The following ATG7 variants were observed in gnomAD, a reference collection of about 807,000 sequenced individuals.
ATG7 encodes the protein ubiquitin-like modifier-activating enzyme ATG7.
ATG7 carries 70 observed loss-of-function variants against 82.4 expected under a neutral mutation model. The observed-to-expected ratio is 0.85, with a 90% CI of 0.70 to 1.04. ATG7 has a LOEUF of 1.04. Ranked by LOEUF, ATG7 falls within the 50% of genes least tolerant of loss-of-function variation. The pLI is 0.00. For missense variants in ATG7, 792 were observed against 864.3 expected (o/e 0.92, Z 1.05); for synonymous variants, 287 against 313.0 (o/e 0.92, Z 0.88).
chr3:11,506,815 G>T (rs1022408731), intron 20 of ATG7, among the ~76,000 whole-genome samples: 13 of 152,080 alleles, frequency 8.5e-5, no homozygotes. Context: ...CTAGAGGAGT[G>T]GTCTAGAACT....
rs556268969 is a variant in ATG7 at position 11,380,264 on chromosome 3, T to G, written c.1956+212T>G. The stretch of plus-strand genomic sequence containing the variant: ...AGCCTGAGAAAATGTGTAGGGAGAC[T>G]GAGTTAAAATATTTCAACTCTGTAT... On this transcript the variant is annotated intron_variant, in intron 19 of 20. Coordinates refer to ENST00000693202, the MANE Select transcript of ATG7 (RefSeq NM_001349232.2). Among the ~76,000 whole-genome samples the G allele has an allele frequency of 1.2e-4, 18 of 152,290 alleles. No individual in the cohort carries two copies. The South Asian group carries it at 3.5e-3, about 30-fold the overall frequency.
intron 20 of ATG7, among the ~76,000 whole-genome samples, chr3:11,490,722 C>T (rs1413611508): frequency 1.3e-5 from 2 of 152,040 alleles, no homozygotes; most frequent in East Asian, 3.8e-4. Flanking sequence ...ATTTCTCCTT[C>T]ACTTATGAAG....
chr3:11,458,875 T>C (rs2086022794), intron 20 of ATG7, among the ~76,000 whole-genome samples: 1 of 152,174 alleles, frequency 6.6e-6, no homozygotes. Context: ...ACGCCTGTGC[T>C]CTGCCTCCTG....
chr3:11,436,358 A>G (rs549374176), intron 20 of ATG7, among the ~76,000 whole-genome samples: 3 of 152,298 alleles, frequency 2.0e-5, no homozygotes, highest in Admixed American at 6.5e-5. Flanking sequence ...GAAGCCTCCT[A>G]CCTACTAGTG....
intron 18 of ATG7, among the ~76,000 whole-genome samples, chr3:11,369,200 C>T (rs534560325): frequency 6.6e-6 from 1 of 150,920 alleles, no homozygotes; most frequent in Admixed American, 6.6e-5. Context: ...TCAGTGTGCT[C>T]CTAGGGACAT....
chr3:11,428,705 A>T (rs1339216792), intron 20 of ATG7, among the ~76,000 whole-genome samples: 1 of 152,198 alleles, frequency 6.6e-6, no homozygotes, highest in Admixed American at 6.5e-5. Flanking sequence ...GTACTGCCTG[A>T]TGGTATGGAA....
chr3:11,513,306 G>A (rs926761223), intron 20 of ATG7, among the ~76,000 whole-genome samples: 17 of 152,242 alleles, frequency 1.1e-4, no homozygotes, highest in African/African-American at 3.4e-4. Context: ...GGCGGTGCTC[G>A]TTGGGGAGGC....
intron 20 of ATG7, among the ~76,000 whole-genome samples, chr3:11,537,768 T>C (rs1293862144): frequency 6.6e-6 from 1 of 152,236 alleles, no homozygotes; most frequent in Non-Finnish European, 1.5e-5. Context: ...AGTTGTTTTA[T>C]GTATCCTTGA....
downstream of ATG7, among the ~76,000 whole-genome samples, chr3:11,561,891 CTTTTTT>C (rs35380668): frequency 1.5e-3 from 129 of 88,608 alleles, no homozygotes; most frequent in African/African-American, 5.4e-3. Context: ...CTGCGCCAAA[CTTTTTT>C]TTTTTTTTTT....
intron 20 of ATG7, among the ~76,000 whole-genome samples, chr3:11,547,072 G>A (rs779841998): frequency 1.3e-5 from 2 of 152,228 alleles, no homozygotes; most frequent in Non-Finnish European, 2.9e-5. Flanking sequence ...GGCACCTATT[G>A]TGCATTTGCG....
chr3:11,478,438 G>A (rs543598894), intron 20 of ATG7, among the ~76,000 whole-genome samples: 18 of 152,110 alleles, frequency 1.2e-4, no homozygotes, highest in African/African-American at 3.6e-4. Flanking sequence ...TGAGACTGGC[G>A]CATATTAAAG....
intron 19 of ATG7, among the ~76,000 whole-genome samples, chr3:11,388,033 G>C (rs555046630): frequency 6.6e-6 from 1 of 152,080 alleles, no homozygotes; most frequent in African/African-American, 2.4e-5. Context: ...CATCTCTGTG[G>C]ATCCTAGTAA....
intron 3 of ATG7, among the ~76,000 whole-genome samples, chr3:11,289,162 T>C (rs1378316716): frequency 6.6e-6 from 1 of 152,254 alleles, no homozygotes; most frequent in Non-Finnish European, 1.5e-5. Flanking sequence ...TTTATCTTTC[T>C]AAGCTAAGCA....
chr3:11,348,325 T>TGTTA (rs1182437397), intron 14 of ATG7: 2 of 322,896 alleles, frequency 6.2e-6, no homozygotes, highest in Admixed American at 9.1e-5. Context: ...TCGCAGTGAG[T>TGTTA]GTTACAGCTC....
chr3:11,485,172 T>C (rs1375670142), intron 20 of ATG7, among the ~76,000 whole-genome samples: 1 of 152,214 alleles, frequency 6.6e-6, no homozygotes, highest in Admixed American at 6.5e-5. Context: ...AGTGTAAAAG[T>C]GTTCCTATTT....
intron 18 of ATG7, among the ~76,000 whole-genome samples, chr3:11,378,943 T>C (rs937951122): frequency 6.6e-6 from 1 of 152,004 alleles, no homozygotes; most frequent in African/African-American, 2.4e-5. Context: ...TCTGTTCTGT[T>C]CAAGTGAGAG....
intron 20 of ATG7, among the ~76,000 whole-genome samples, chr3:11,533,900 A>T (rs2124990802): frequency 6.6e-6 from 1 of 152,350 alleles, no homozygotes; most frequent in East Asian, 1.9e-4. Flanking sequence ...TTTTGCTCTT[A>T]AAAATTTAAG....
intron 19 of ATG7, among the ~76,000 whole-genome samples, chr3:11,417,800 A>ATTATTTTTTTTTTTTTTTTTTTTTTT (rs1553652380): frequency 1.8e-5 from 2 of 109,364 alleles, no homozygotes; most frequent in African/African-American, 6.5e-5. Flanking sequence ...TATTATTATT[A>ATTATTTTTTTTTTTTTTTTTTTTTTT]TTTTATTTTA....
intron 18 of ATG7, among the ~76,000 whole-genome samples, chr3:11,365,819 A>G (rs1170096424): frequency 6.6e-6 from 1 of 152,178 alleles, no homozygotes; most frequent in Non-Finnish European, 1.5e-5. Context: ...TGGCAGTCTG[A>G]CAAATGTTCT....
Sources: allele counts gnomAD v4.1 joint callset (sites outside exome capture counted in the v4.1 genomes callset), GRCh38; gene constraint gnomAD v4.1.1; transcripts MANE v1.5; gene names NCBI Gene and HGNC (gene_info 2026-07-23, HGNC 2026-07-21).